Variants in FAT3 observed in about 807,000 individuals in gnomAD.
FAT3 encodes the protein protocadherin Fat 3.
Under a neutral mutation model 310.2 loss-of-function variants are expected in FAT3, and 95 were observed. The ratio of observed to expected loss-of-function variants is 0.31; its 90% CI spans 0.26 to 0.36. FAT3 has a LOEUF of 0.36. FAT3 is among the 10% of genes least tolerant of loss of function. FAT3 has a pLI of 1.00. For missense variants in FAT3, 5,408 were observed against 5,715.6 expected (o/e 0.95, Z 1.74); for synonymous variants, 2,314 against 2,192.9 (o/e 1.06, Z -1.54).
intron 1 of FAT3, among the ~76,000 whole-genome samples, chr11:92,281,147 A>G (rs1946409159): frequency 6.6e-6 from 1 of 152,116 alleles, no homozygotes; most frequent in Non-Finnish European, 1.5e-5. Flanking sequence ...ATAAGATAAA[A>G]CCTATAATAT....
At chr11:92,367,978 C>T (rs1193300391) in intron 2 of FAT3, among the ~76,000 whole-genome samples, 11 of 152,138 alleles carry the variant, frequency 7.2e-5, no homozygotes, top group Non-Finnish European at 1.5e-5. Context: ...GTTAGAAGAA[C>T]AAAATTGTGT....
chr11:92,831,497 T>C (rs1467978059), intron 13 of FAT3, 125 bp from the exon 14 acceptor site: 2 of 757,816 alleles, frequency 2.6e-6, no homozygotes, highest in Non-Finnish European at 2.0e-6. Flanking sequence ...GAGCCACAGC[T>C]GTCTGTTTCT....
intron 1 of FAT3, among the ~76,000 whole-genome samples, chr11:92,284,796 GC>G (rs1387413241): frequency 2.0e-5 from 3 of 152,134 alleles, no homozygotes; most frequent in Non-Finnish European, 4.4e-5. Context: ...CTACAGGATG[GC>G]CAGACTGTCG....
chr11:92,658,170 AT>A (rs1423967686), intron 3 of FAT3, among the ~76,000 whole-genome samples: 1 of 152,202 alleles, frequency 6.6e-6, no homozygotes, highest in African/African-American at 2.4e-5. Context: ...TATGAATGTT[AT>A]GTTTTCCTCA....
intron 4 of FAT3, among the ~76,000 whole-genome samples, chr11:92,746,098 T>C (rs1224653709): frequency 1.3e-5 from 2 of 152,260 alleles, no homozygotes; most frequent in Non-Finnish European, 2.9e-5. Flanking sequence ...AATTGTATTC[T>C]TTCCTAAAAG....
chr11:92,705,977 CAGTGAT>C (rs1482206826), intron 4 of FAT3, among the ~76,000 whole-genome samples: 1 of 87,928 alleles, frequency 1.1e-5, no homozygotes, highest in African/African-American at 4.5e-5. Flanking sequence ...ATGGTAGTGG[CAGTGAT>C]GGTGATGGTG....
At chr11:92,312,010 T>C (rs1947316858) in intron 1 of FAT3, among the ~76,000 whole-genome samples, 1 of 152,194 alleles carries the variant, frequency 6.6e-6, no homozygotes, top group Non-Finnish European at 1.5e-5. Context: ...AAACAAATAC[T>C]TCGCCTTCAT....
At chr11:92,794,901 G>A (rs1476765317) in intron 9 of FAT3, among the ~76,000 whole-genome samples, 1 of 152,222 alleles carries the variant, frequency 6.6e-6, no homozygotes, top group African/African-American at 2.4e-5. Context: ...TTGAGGGTGG[G>A]AGACAGGCAG....
In FAT3 at chr11:92,798,563, T is replaced by C. The variant is rs367938008; in HGVS notation, c.5550T>C (p.His1850=). ...DHETIAHFHF[H]VHVRDSGSPQ... ...AAACCATTGCCCATTTCCATTTTCA[T>C]GTGCATGTGAGAGACAGTGGTAGCC... is the stretch of plus-strand genomic sequence containing the variant. Residue 1850 remains histidine, a synonymous_variant, in exon 10 of 28, where the codon CAT becomes CAC. Transcript: ENST00000525166. The C allele has an allele frequency of 1.3e-5, 21 of 1,613,704 alleles. No homozygotes were observed. In the South Asian group the frequency reaches 2.0e-4, roughly 15 times the overall value.
At chr11:92,605,719 G>GTT (rs5793613) in intron 3 of FAT3, among the ~76,000 whole-genome samples, 33,829 of 99,366 alleles carry the variant, frequency 0.34, 6,318 homozygotes, top group Non-Finnish European at 0.38. Context: ...AAATAGCTAT[G>GTT]TTTTTTTTTT....
rs762330259 is a variant in FAT3, at chr11:92,765,044, G to T, written c.4150G>T (p.Val1384Leu). ...SDRVTEIVGV[V>L]SVQPANTPLW... ...TAGAGTGACTGAAATTGTAGGGGTG[G>T]TGTCTGTGCAGCCAGCTAACACCCC... Residue 1384 changes from valine (V) to leucine (L), a missense_variant, in exon 6 of 28, where the codon GTG (valine) becomes TTG (leucine). Physicochemically the swap from Val to Leu is conservative, Grantham distance 32. Around this residue, in one of 5 missense-constraint regions of FAT3, gnomAD observed 4,588 missense variants for 4,809.8 expected, o/e 0.95. Coordinates refer to ENST00000525166, the MANE Select transcript of FAT3 (RefSeq NM_001367949.2). 7 of 1,613,684 alleles carry T rather than the reference G, an allele frequency of 4.3e-6. No homozygotes were observed. Among genetic ancestry groups the T allele is most frequent in the Non-Finnish European group, 5.9e-6 (7 of 1,179,840 alleles).
chr11:92,567,729 C>G (rs1387555677), intron 3 of FAT3, among the ~76,000 whole-genome samples: 3 of 152,100 alleles, frequency 2.0e-5, no homozygotes, highest in Non-Finnish European at 4.4e-5. Flanking sequence ...AGTTCATGTT[C>G]TTTGTAGGGA....
At chr11:92,652,158 G>A (rs976216258) in intron 3 of FAT3, among the ~76,000 whole-genome samples, 3 of 152,222 alleles carry the variant, frequency 2.0e-5, no homozygotes, top group Middle Eastern at 3.4e-3. Flanking sequence ...ACCCCCCTCT[G>A]CAGTCGTGGG....
At chr11:92,510,542 G>A (rs1346794745) in intron 2 of FAT3, among the ~76,000 whole-genome samples, 1 of 152,162 alleles carries the variant, frequency 6.6e-6, no homozygotes, top group East Asian at 1.9e-4. Context: ...GAGAGAAGAG[G>A]TGTGCATTTG....
intron 2 of FAT3, among the ~76,000 whole-genome samples, chr11:92,373,369 A>T (rs1281493343): frequency 1.3e-5 from 2 of 152,162 alleles, no homozygotes; most frequent in Non-Finnish European, 2.9e-5. Context: ...GCCCAAGTCC[A>T]CAGAACTACT....
chr11:92,685,010 C>T (rs892440201), intron 3 of FAT3, among the ~76,000 whole-genome samples: 2 of 152,160 alleles, frequency 1.3e-5, no homozygotes, highest in Admixed American at 6.5e-5. Context: ...TTGTCTTATC[C>T]TCCATCTTGA....
intron 1 of FAT3, among the ~76,000 whole-genome samples, chr11:92,249,633 C>T (rs1189031808): frequency 1.3e-5 from 2 of 152,038 alleles, no homozygotes; most frequent in African/African-American, 4.8e-5. Flanking sequence ...ACTCGTATCA[C>T]AGTAACAAAG....
chr11:92,844,779 A>C (rs1475853210), intron 19 of FAT3, 47 bp downstream of exon 19: 13 of 1,447,782 alleles, frequency 9.0e-6, no homozygotes, highest in African/African-American at 1.4e-5. Flanking sequence ...AGATTGTAGG[A>C]GTAGAATGAG....
At chr11:92,526,475 G>A (rs1202566262) in intron 3 of FAT3, among the ~76,000 whole-genome samples, 1 of 152,148 alleles carries the variant, frequency 6.6e-6, no homozygotes, top group Non-Finnish European at 1.5e-5. Flanking sequence ...TGCTACTTGA[G>A]TCATTAATGG....
Sources: allele counts gnomAD v4.1 joint callset (sites outside exome capture counted in the v4.1 genomes callset), GRCh38; gene constraint gnomAD v4.1.1; regional missense constraint gnomAD v4.1.1; transcripts MANE v1.5; gene names NCBI Gene and HGNC (gene_info 2026-07-23, HGNC 2026-07-21).